The following VCPIP1 variants were observed in gnomAD, a reference collection of about 807,000 sequenced individuals.
VCPIP1 encodes deubiquitinating protein VCPIP1.
Under a neutral mutation model 85.0 loss-of-function variants are expected in VCPIP1, and 8 were observed. The ratio of observed to expected loss-of-function variants is 0.09; its 90% confidence interval spans 0.06 to 0.17. The LOEUF (loss-of-function observed/expected upper bound fraction) is 0.17, where lower values mean the gene tolerates loss of function less well. Among genes scored for constraint, VCPIP1 ranks in the 10% least tolerant of loss-of-function variants. The pLI is 1.00. For synonymous variants in VCPIP1, 543 were observed against 544.5 expected, an observed-to-expected ratio of 1.00 and a Z score of 0.04; for missense variants, 1,070 against 1,486.3, an observed-to-expected ratio of 0.72 and a Z score of 4.61.
chr8:66,638,771 T>C (rs1305673371), intron 2 of VCPIP1, among the ~76,000 whole-genome samples: 1 of 151,856 alleles, frequency 6.6e-6, no homozygotes, highest in African/African-American at 2.4e-5. Context: ...AGAGCGAGAC[T>C]CCTGTCTCAA....
At chr8:66,638,970 C>CTCTATA in intron 2 of VCPIP1, among the ~76,000 whole-genome samples, 44 of 118,434 alleles carry the variant, frequency 3.7e-4, no homozygotes, top group African/African-American at 1.2e-3. Context: ...CTCTCTCTCT[C>CTCTATA]TATATATATA....
At position 66,665,365 on chromosome 8, in the gene VCPIP1, T is replaced by A; in HGVS notation, c.1594A>T (p.Met532Leu). 1 of 1,614,190 alleles carries A rather than the reference T, an allele frequency of 6.2e-7. No individual in the cohort carries two copies. The highest frequency in any genetic ancestry group is 1.7e-5 in the Admixed American group (1 of 60,018). ...CAATTACAAGCTGTTAGGTTACTCATTCCATAGTCTGGTACCAGAACATCT... is the reference window on the plus strand; with the variant it reads ...CAATTACAAGCTGTTAGGTTACTCAATCCATAGTCTGGTACCAGAACATCT... Reference protein sequence around the residue: ...VKDVLVPDYGMSNLTACNWCH... With the variant: ...VKDVLVPDYGLSNLTACNWCH... Residue 532 changes from methionine (M) to leucine (L), a missense_variant, in exon 1 of 3, where the codon ATG (methionine) becomes TTG (leucine). Around this residue, in one of 8 missense-constraint regions of VCPIP1, gnomAD observed 123 missense variants for 156.3 expected, o/e 0.79. Coordinates refer to ENST00000310421, the MANE Select transcript of VCPIP1 (RefSeq NM_025054.5). The surrounding 1 kb of genome is among the most constrained non-coding windows in gnomAD (Gnocchi z 4.3).
chr8:66,665,590 C>T lies in VCPIP1; in HGVS notation c.1369G>A (p.Ala457Thr), dbSNP rs1811199753. The change falls in exon 1 of 3, where the codon GCT becomes ACT. Residue 457 changes from alanine (A) to threonine (T), a missense_variant. By Grantham distance (58) the Ala-to-Thr change is moderately conservative. Around this residue, in one of 8 missense-constraint regions of VCPIP1, gnomAD observed 83 missense variants for 134.6 expected, o/e 0.62. Coordinates refer to ENST00000310421, the MANE Select transcript of VCPIP1 (RefSeq NM_025054.5). This position sits in a 1 kb window ranked among gnomAD's most constrained non-coding sequence, Gnocchi z 4.3. ...GVQPEEVTAA[A>T]KKAVMDNRLH... ...CGATTATCCATTACTGCTTTTTTAG[C>T]AGCTGCTGTGACTTCCTCAGGCTGA... 1 of 1,614,064 alleles carries T rather than the reference C, an allele frequency of 6.2e-7. No homozygotes were observed. Among genetic ancestry groups the T allele is most frequent in the African/African-American group, 1.3e-5 (1 of 74,920 alleles).
chr8:66,663,484 T>C (rs1162927077), intron 1 of VCPIP1, among the ~76,000 whole-genome samples: 1 of 152,204 alleles, frequency 6.6e-6, no homozygotes, highest in South Asian at 2.1e-4. Context: ...TAAGCAAATA[T>C]AGACACTGTA....
Position 66,665,993 on chromosome 8 carries a change from A to G in VCPIP1, c.966T>C (p.Phe322=), listed in dbSNP as rs1307194713. ...TCTCTGCAGGGATGAGCCCAGGTAG[A>G]AAGGTGGCTGAATAATCACCAGAGC... ...MRSSGDYSAT[F]LPGLIPAEKC... Residue 322 remains phenylalanine, a synonymous_variant, in exon 1 of 3, where the codon TTT becomes TTC. Transcript: ENST00000310421. The surrounding 1 kb of genome is among the most constrained non-coding windows in gnomAD (Gnocchi z 4.3). The G allele has an allele frequency of 2.5e-6, 4 of 1,614,232 alleles. No homozygotes were observed. Among genetic ancestry groups the G allele is most frequent in the Non-Finnish European group, 3.4e-6 (4 of 1,180,036 alleles).
chr8:66,648,595 C>T (rs1330606602), intron 2 of VCPIP1, among the ~76,000 whole-genome samples: 3 of 151,898 alleles, frequency 2.0e-5, no homozygotes, highest in African/African-American at 7.3e-5. Flanking sequence ...CACTCTGTCA[C>T]CCAGGCTGGA....
chr8:66,635,188 A>G lies in VCPIP1; in HGVS notation c.2982T>C (p.Ser994=). 1.1e-5 allele frequency: 18 copies of G among 1,614,146 alleles called. No individual in the cohort carries two copies. Among genetic ancestry groups the G allele is most frequent in the Non-Finnish European group, 1.4e-5 (17 of 1,180,032 alleles). Residue 994 remains serine, a synonymous_variant, in exon 3 of 3, where the codon AGT becomes AGC. Coordinates refer to ENST00000310421, the MANE Select transcript of VCPIP1 (RefSeq NM_025054.5). ...SQVRAEATTR[S]RESSPSHGLL... is the part of the protein sequence containing the mutation. ...GCCCATGTGAGGGACTTGATTCCCTACTTCTTGTAGTAGCCTCTGCTCGAA... is the reference window on the plus strand; with the variant it reads ...GCCCATGTGAGGGACTTGATTCCCTGCTTCTTGTAGTAGCCTCTGCTCGAA...
In VCPIP1 at chr8:66,635,082, G is replaced by T. The variant is rs1409649273; in HGVS notation, c.3088C>A (p.His1030Asn). ...TTACCAGATGCAGTTCCTAAAGAAT[G>T]CCCTTTTCCCTGAAAGGCAGTTACG... ...HNVTAFQGKG[H>N]SLGTASGNPH... The change falls in exon 3 of 3, where the codon CAT becomes AAT. Residue 1030 changes from histidine (H) to asparagine (N), a missense_variant. Coordinates refer to ENST00000310421, the MANE Select transcript of VCPIP1 (RefSeq NM_025054.5). The T allele has an allele frequency of 6.2e-7, 1 of 1,614,120 alleles. No homozygotes were observed. The highest frequency in any genetic ancestry group is 1.7e-5 in the Admixed American group (1 of 60,014).
chr8:66,666,661 G>C lies in VCPIP1; in HGVS notation c.298C>G (p.Arg100Gly). 6.2e-7 allele frequency: 1 copy of C among 1,614,142 alleles called. No individual in the cohort carries two copies. The highest frequency in any genetic ancestry group is 8.5e-7 in the Non-Finnish European group (1 of 1,180,024). ...CCCGTAACCCCGAGCAGCGCGTTCCGCAGCAGGTTGTGTAGCACTACGTCC... is the reference window on the plus strand; with the variant it reads ...CCCGTAACCCCGAGCAGCGCGTTCCCCAGCAGGTTGTGTAGCACTACGTCC... ...DPDVVLHNLL[R>G]NALLGVTGAP... The change falls in exon 1 of 3, where the codon CGG becomes GGG. Residue 100 changes from arginine (R) to glycine (G), a missense_variant. Arg to Gly is a moderately radical substitution (Grantham distance 125). Coordinates refer to ENST00000310421, the MANE Select transcript of VCPIP1 (RefSeq NM_025054.5). The surrounding 1 kb of genome is among the most constrained non-coding windows in gnomAD (Gnocchi z 6.3).
At position 66,667,075 on chromosome 8, in the gene VCPIP1, C is replaced by T. The variant is rs1811226795; in HGVS notation, c.-117G>A. 2 of 1,402,464 alleles carry T rather than the reference C, an allele frequency of 1.4e-6. No homozygotes were observed. 86.9% of individuals were successfully genotyped at this position (1,402,464 alleles called of 1,614,324 possible). A position where few individuals can be genotyped will look rare whatever the true frequency, so the allele number is the denominator to read the frequency against. On this transcript the variant is annotated 5_prime_UTR_variant, in exon 1 of 3. Coordinates refer to ENST00000310421, the MANE Select transcript of VCPIP1 (RefSeq NM_025054.5). ...GGCCCAGGGCGAAGCACTTTCCTTT[C>T]CCTACCAGCTCTTCCTCCTCCTAAG... is the stretch of plus-strand genomic sequence containing the variant.
chr8:66,658,648 C>A (rs917035024), intron 1 of VCPIP1, among the ~76,000 whole-genome samples: 5 of 151,816 alleles, frequency 3.3e-5, no homozygotes, highest in Admixed American at 1.3e-4. Context: ...GCCATCATGC[C>A]CGGCTAATTT....
chr8:66,667,173 G>C lies in VCPIP1; in HGVS notation c.-215C>G, dbSNP rs545242612. ...CCGTAGCCGTTGCCCCGAACGTAAC[G>C]GCCACCACCCCACCCCGCACTCACA... On this transcript the variant is annotated 5_prime_UTR_variant, in exon 1 of 3. Transcript: ENST00000310421. The C allele has an allele frequency of 3.6e-5, 37 of 1,020,128 alleles. 2 individuals carry two copies. In the South Asian group the frequency reaches 7.2e-4, roughly 20 times the overall value. The allele number at this position is 1,020,128 out of a possible 1,614,324, so 63.2% of individuals were successfully genotyped here. A position where few individuals can be genotyped will look rare whatever the true frequency, so the allele number is the denominator to read the frequency against.
In VCPIP1 at chr8:66,634,413, T is replaced by A. The variant is rs1810863184; in HGVS notation, c.*88A>T. Reference sequence around the variant, plus strand: ...TCTTTGAATTATATACGTACAAGATTTTTAATGACTAATCAAGTTACGTGG... The same window carrying A: ...TCTTTGAATTATATACGTACAAGATATTTAATGACTAATCAAGTTACGTGG... On this transcript the variant is annotated 3_prime_UTR_variant, in exon 3 of 3. Transcript: ENST00000310421. 2 of 1,429,440 alleles carry A rather than the reference T, an allele frequency of 1.4e-6. No homozygotes were observed. Among genetic ancestry groups the A allele is most frequent in the African/African-American group, 2.9e-5 (2 of 69,926 alleles). 88.5% of individuals were successfully genotyped at this position (1,429,440 alleles called of 1,614,324 possible). A position where few individuals can be genotyped will look rare whatever the true frequency, so the allele number is the denominator to read the frequency against.
Position 66,634,708 on chromosome 8 carries a change from C to G in VCPIP1, c.3462G>C (p.Gln1154His), listed in dbSNP as rs747312518. 5.6e-6 allele frequency: 9 copies of G among 1,614,064 alleles called. No homozygotes were observed. The highest frequency in any genetic ancestry group is 7.6e-6 in the Non-Finnish European group (9 of 1,180,034). Residue 1154 changes from glutamine to histidine, a missense_variant, in exon 3 of 3, where the codon CAG becomes CAC. This residue lies in a region of VCPIP1 where 255 missense variants were observed against 289.5 expected (regional missense o/e 0.88). Transcript: ENST00000310421. Reference sequence around the variant, plus strand: ...AAGGAAAAGATTCAGGCAAACCAGTCTGAAGACTCCCAGACTTTGCAGAAG... The same window carrying G: ...AAGGAAAAGATTCAGGCAAACCAGTGTGAAGACTCCCAGACTTTGCAGAAG... ...VSSSAKSGSL[Q>H]TGLPESFPLT...
chr8:66,640,464 T>C (rs569276612), intron 2 of VCPIP1, among the ~76,000 whole-genome samples: 1 of 152,268 alleles, frequency 6.6e-6, no homozygotes, highest in Non-Finnish European at 1.5e-5. Context: ...GGCAGGTAAA[T>C]ACTAGGCAGA....
intron 1 of VCPIP1, among the ~76,000 whole-genome samples, chr8:66,659,509 G>A (rs192398877): frequency 6.6e-6 from 1 of 152,078 alleles, no homozygotes; most frequent in Non-Finnish European, 1.5e-5. Flanking sequence ...CTTGTACTAA[G>A]CCAAAGACTA....
At position 66,665,748 on chromosome 8, in the gene VCPIP1, C is replaced by G. The variant is rs776894860; in HGVS notation, c.1211G>C (p.Ser404Thr). Residue 404 changes from serine (S) to threonine (T), a missense_variant, in exon 1 of 3, where the codon AGT becomes ACT. Transcript: ENST00000310421. This position sits in a 1 kb window ranked among gnomAD's most constrained non-coding sequence, Gnocchi z 4.3. Reference protein sequence around the residue: ...DGGCVIGGDRSLQDKYLLRLV... With the variant: ...DGGCVIGGDRTLQDKYLLRLV... ...CCTAAGTAAGTATTTATCTTGCAAA[C>G]TTCTGTCACCTCCAATAACACAACC... is the stretch of plus-strand genomic sequence containing the variant. 4.3e-6 allele frequency: 7 copies of G among 1,614,034 alleles called. No individual in the cohort carries two copies. Among genetic ancestry groups the G allele is most frequent in the Non-Finnish European group, 5.9e-6 (7 of 1,180,036 alleles).
chr8:66,666,220 G>C lies in VCPIP1; in HGVS notation c.739C>G (p.Gln247Glu). The C allele has an allele frequency of 1.9e-6, 3 of 1,613,972 alleles. No homozygotes were observed. Among genetic ancestry groups the C allele is most frequent in the South Asian group, 1.1e-5 (1 of 91,082 alleles). Residue 247 changes from glutamine (Q) to glutamate (E), a missense_variant, in exon 1 of 3, where the codon CAG becomes GAG. Transcript: ENST00000310421. This position sits in a 1 kb window ranked among gnomAD's most constrained non-coding sequence, Gnocchi z 6.3. ...GCTTGATATCGGGCCAGGTGCTGCT[G>C]AAAGTGCTGTTTAAGATTCTCTCTT... is the stretch of plus-strand genomic sequence containing the variant. Reference protein sequence around the residue: ...ALRENLKQHFQQHLARYQALF... With the variant: ...ALRENLKQHFEQHLARYQALF...
At chr8:66,646,217 C>T (rs911348446) in intron 2 of VCPIP1, among the ~76,000 whole-genome samples, 1 of 151,760 alleles carries the variant, frequency 6.6e-6, no homozygotes, top group East Asian at 1.9e-4. Context: ...GGATTATGGG[C>T]GCATGCCACC....
Sources: allele counts gnomAD v4.1 joint callset (sites outside exome capture counted in the v4.1 genomes callset), GRCh38; gene constraint gnomAD v4.1.1; regional missense constraint gnomAD v4.1.1; non-coding constraint Gnocchi (gnomAD v3.1); transcripts MANE v1.5; gene names NCBI Gene and HGNC (gene_info 2026-07-23, HGNC 2026-07-21).